The following CCDC15 variants were observed in gnomAD, a reference collection of about 807,000 sequenced individuals.
CCDC15 encodes coiled-coil domain-containing protein 15.
A neutral mutation model predicts 114.5 loss-of-function variants in CCDC15; 105 were observed. The ratio of observed to expected loss-of-function variants is 0.92; its 90% CI spans 0.78 to 1.08. The LOEUF (loss-of-function observed/expected upper bound fraction) is 1.08, where lower values mean the gene tolerates loss of function less well. Among genes scored for constraint, CCDC15 ranks in the 50% least tolerant of loss-of-function variants. CCDC15 has a pLI of 0.00. For synonymous variants in CCDC15, 334 were observed against 377.8 expected, an observed-to-expected ratio of 0.88 and a Z score of 1.34; for missense variants, 1,105 against 1,093.6, an observed-to-expected ratio of 1.01 and a Z score of -0.15.
chr11:124,972,270 A>G (rs1397048269), intron 4 of CCDC15, among the ~76,000 whole-genome samples: 1 of 152,218 alleles, frequency 6.6e-6, no homozygotes, highest in Non-Finnish European at 1.5e-5. Flanking sequence ...GGTTCTAGAT[A>G]GAAAAGACTT....
intron 4 of CCDC15, among the ~76,000 whole-genome samples, chr11:124,960,448 G>A (rs1947640800): frequency 1.3e-5 from 2 of 151,892 alleles, no homozygotes; most frequent in South Asian, 4.2e-4. Flanking sequence ...TATATTCTAG[G>A]CAAGCTACTA....
At chr11:124,960,441 A>G (rs916755042) in intron 4 of CCDC15, among the ~76,000 whole-genome samples, 36 of 152,080 alleles carry the variant, frequency 2.4e-4, no homozygotes, top group African/African-American at 8.2e-4. Context: ...TTGAAATTAT[A>G]TTCTAGGCAA....
intron 13 of CCDC15, among the ~76,000 whole-genome samples, chr11:125,025,255 C>G (rs1291333845): frequency 6.7e-6 from 1 of 148,610 alleles, no homozygotes; most frequent in Non-Finnish European, 1.5e-5. Context: ...CTGGGTACAC[C>G]CATTTGGTAA....
In CCDC15 at chr11:125,041,181, G is replaced by T. The variant is rs1232997665; in HGVS notation, c.*470G>T. The T allele has an allele frequency of 6.6e-6, 1 of 152,302 alleles. No individual in the cohort carries two copies. The highest frequency in any genetic ancestry group is 6.5e-5 in the Admixed American group (1 of 15,286). The allele number at this position is 152,302 out of a possible 1,614,324, so 9.4% of individuals were successfully genotyped here. A position where few individuals can be genotyped will look rare whatever the true frequency, so the allele number is the denominator to read the frequency against. On this transcript the variant is annotated 3_prime_UTR_variant, in exon 16 of 16. Transcript: ENST00000344762. ...TGTATATAAGAATTCAAGATTAGAA[G>T]AATTTAGATTTGTTGCACATTTTTT...
At position 125,038,952 on chromosome 11, in the gene CCDC15, G is replaced by A; in HGVS notation, c.2617G>A (p.Glu873Lys). 1 of 1,613,290 alleles carries A rather than the reference G, an allele frequency of 6.2e-7. No individual in the cohort carries two copies. The highest frequency in any genetic ancestry group is 8.5e-7 in the Non-Finnish European group (1 of 1,179,472). Residue 873 changes from glutamate (E) to lysine (K), a missense_variant, in exon 15 of 16, where the codon GAG (glutamate) becomes AAG (lysine). Physicochemically the swap from Glu to Lys is moderately conservative, Grantham distance 56. Transcript: ENST00000344762. The stretch of plus-strand genomic sequence containing the variant: ...AGAAGCTTTACGAGCCCAAATCCAG[G>A]AGAAAATGCAGCTGTATAATATTAC... ...YVEALRAQIQ[E>K]KMQLYNITLP... is the part of the protein sequence containing the mutation.
At chr11:124,989,905 C>T (rs952920658) in intron 8 of CCDC15, among the ~76,000 whole-genome samples, 18 of 152,220 alleles carry the variant, frequency 1.2e-4, no homozygotes, top group African/African-American at 4.3e-4. Context: ...AAACATTTTG[C>T]ATATCAGCAA....
intron 13 of CCDC15, among the ~76,000 whole-genome samples, chr11:125,009,371 A>G (rs970213634): frequency 3.9e-5 from 6 of 152,142 alleles, no homozygotes; most frequent in African/African-American, 1.4e-4. Context: ...AATATAAAGC[A>G]ATAACACTTT....
At chr11:124,999,812 C>T (rs1948442691) in intron 11 of CCDC15, among the ~76,000 whole-genome samples, 1 of 149,038 alleles carries the variant, frequency 6.7e-6, no homozygotes, top group Non-Finnish European at 1.5e-5. Context: ...TCACATCTTC[C>T]TGCTTTCTTC....
intron 13 of CCDC15, among the ~76,000 whole-genome samples, chr11:125,028,565 AG>A (rs1479352452): frequency 6.6e-6 from 1 of 151,978 alleles, no homozygotes. Context: ...AAAGGGACTG[AG>A]TTCTTGATTT....
intron 13 of CCDC15, among the ~76,000 whole-genome samples, chr11:125,020,674 T>C (rs1171967898): frequency 3.3e-5 from 5 of 151,962 alleles, no homozygotes; most frequent in Non-Finnish European, 1.5e-5. Context: ...ACACCATTGC[T>C]CTAGGAGAAA....
At chr11:125,010,418 A>T (rs1219773123) in intron 13 of CCDC15, among the ~76,000 whole-genome samples, 1 of 149,342 alleles carries the variant, frequency 6.7e-6, no homozygotes, top group Non-Finnish European at 1.5e-5. Flanking sequence ...CACTCTGTCC[A>T]GTGGCACATT....
chr11:125,004,215 A>G lies in CCDC15; in HGVS notation c.2307+256A>G, dbSNP rs1467731431. Among the ~76,000 whole-genome samples, 3 of 151,930 alleles carry G rather than the reference A, an allele frequency of 2.0e-5. No individual in the cohort carries two copies. The South Asian group carries it at 6.2e-4, about 31-fold the overall frequency. On this transcript the variant is annotated intron_variant, in intron 12 of 15. Coordinates refer to ENST00000344762, the MANE Select transcript of CCDC15 (RefSeq NM_025004.3). ...CTCCAGCTAATGTATATTTGCCACT[A>G]TAACTTATTTAAAGGAAGATAATTA...
intron 13 of CCDC15, among the ~76,000 whole-genome samples, chr11:125,018,670 A>G (rs1481202634): frequency 1.3e-5 from 2 of 152,110 alleles, no homozygotes; most frequent in African/African-American, 4.8e-5. Context: ...AAGTTCCTGC[A>G]AGGATTAAAT....
intron 4 of CCDC15, among the ~76,000 whole-genome samples, chr11:124,966,080 A>G (rs1947774024): frequency 6.6e-6 from 1 of 152,182 alleles, no homozygotes; most frequent in Admixed American, 6.5e-5. Context: ...CAATTTTGGA[A>G]TAAGTGCGAT....
At chr11:124,992,788 G>C in intron 10 of CCDC15, 101 bp downstream of exon 10, 1 of 666,114 alleles carries the variant, frequency 1.5e-6, no homozygotes, top group Non-Finnish European at 2.5e-6. Flanking sequence ...TAGCTTGTTT[G>C]TGGAATACAT....
Position 124,974,413 on chromosome 11 carries a change from C to T in CCDC15, c.517-683C>T, listed in dbSNP as rs536192849. 2.0e-5 allele frequency among the ~76,000 whole-genome samples: 3 copies of T among 152,286 alleles called. No individual in the cohort carries two copies. In the South Asian group the frequency reaches 6.2e-4, roughly 32 times the overall value. ...TCAAAATAGCCGCATACTGAAATTT[C>T]TGGAGATAAGGAATGAACACGAAAT... On this transcript the variant is annotated intron_variant, in intron 4 of 15. Coordinates refer to ENST00000344762, the MANE Select transcript of CCDC15 (RefSeq NM_025004.3).
intron 4 of CCDC15, among the ~76,000 whole-genome samples, chr11:124,968,066 G>C (rs182974818): frequency 6.6e-6 from 1 of 152,104 alleles, no homozygotes; most frequent in Non-Finnish European, 1.5e-5. Flanking sequence ...GGTGTCAGTC[G>C]GTCCCTACTG....
chr11:125,039,134 A>G, intron 15 of CCDC15, 65 bp downstream of exon 15: 6 of 1,429,718 alleles, frequency 4.2e-6, no homozygotes, highest in Non-Finnish European at 5.7e-6. Flanking sequence ...GAGTAGTGGT[A>G]ATAGTAATTT....
intron 13 of CCDC15, among the ~76,000 whole-genome samples, chr11:125,015,914 C>T (rs1446724537): frequency 1.3e-5 from 2 of 152,132 alleles, no homozygotes; most frequent in African/African-American, 4.8e-5. Flanking sequence ...CTCTAGCCCC[C>T]GGGCAGCTTC....
Sources: gnomAD v4.1 joint callset for allele counts (sites outside exome capture counted in the v4.1 genomes callset) on GRCh38, gnomAD v4.1.1 for gene constraint, MANE v1.5 for transcripts, NCBI Gene and HGNC (gene_info 2026-07-23, HGNC 2026-07-21) for gene names.